Variants in PPARGC1A observed in about 807,000 individuals in gnomAD.
PPARGC1A encodes the protein PPARG coactivator 1 alpha, also known as peroxisome proliferator-activated receptor gamma coactivator 1-alpha.
A neutral mutation model predicts 88.7 loss-of-function variants in PPARGC1A; 25 were observed. That is an observed-to-expected ratio of 0.28 (90% CI 0.21 to 0.39). The LOEUF is 0.39. Ranked by LOEUF, PPARGC1A falls within the 10% of genes least tolerant of loss-of-function variation. PPARGC1A has a pLI of 1.00. For missense variants in PPARGC1A, 880 were observed against 968.7 expected, an observed-to-expected ratio of 0.91 and a Z score of 1.22; for synonymous variants, 363 against 355.6, an observed-to-expected ratio of 1.02 and a Z score of -0.24.
the PPARGC1A span, among the ~76,000 whole-genome samples, chr4:24,238,308 A>G: frequency 1.3e-5 from 2 of 152,228 alleles, no homozygotes; most frequent in Admixed American, 6.5e-5. Context: ...TTATTTTACA[A>G]TAAATAAAAT....
At chr4:23,921,314 G>T in the PPARGC1A span, among the ~76,000 whole-genome samples, 1,264 of 152,294 alleles carry the variant, frequency 8.3e-3, 19 homozygotes, top group Middle Eastern at 0.048. Context: ...GAGTATAAAA[G>T]AATTGAATTG....
At chr4:24,030,513 G>C in the PPARGC1A span, among the ~76,000 whole-genome samples, 1 of 152,134 alleles carries the variant, frequency 6.6e-6, no homozygotes, top group Non-Finnish European at 1.5e-5. Flanking sequence ...AATACCTTTT[G>C]AGCTGTATAC....
the PPARGC1A span, among the ~76,000 whole-genome samples, chr4:24,168,628 A>ACACACAC: frequency 6.7e-6 from 1 of 148,260 alleles, no homozygotes; most frequent in African/African-American, 2.6e-5. Context: ...CACACACACA[A>ACACACAC]ACACACAGAC....
the PPARGC1A span, among the ~76,000 whole-genome samples, chr4:24,010,743 C>A: frequency 6.6e-6 from 1 of 152,120 alleles, no homozygotes; most frequent in African/African-American, 2.4e-5. Flanking sequence ...TCATGGAGAA[C>A]AATAAGAACT....
the PPARGC1A span, among the ~76,000 whole-genome samples, chr4:23,920,015 A>T: frequency 6.6e-6 from 1 of 152,158 alleles, no homozygotes; most frequent in African/African-American, 2.4e-5. Context: ...AAAAGCAAAG[A>T]TCCAAAAGAT....
the PPARGC1A span, among the ~76,000 whole-genome samples, chr4:24,066,202 C>G: frequency 6.6e-6 from 1 of 152,016 alleles, no homozygotes; most frequent in Non-Finnish European, 1.5e-5. Context: ...TCGCTGTGCC[C>G]TGAGCTCAGG....
At chr4:24,065,328 A>G in the PPARGC1A span, among the ~76,000 whole-genome samples, 1 of 152,016 alleles carries the variant, frequency 6.6e-6, no homozygotes, top group Non-Finnish European at 1.5e-5. Flanking sequence ...CCACAGAACT[A>G]CATCCTGTCC....
chr4:24,036,117 T>A, the PPARGC1A span, among the ~76,000 whole-genome samples: 2 of 152,190 alleles, frequency 1.3e-5, no homozygotes, highest in African/African-American at 4.8e-5. Flanking sequence ...GAAATAGGGA[T>A]AGTAATATTG....
chr4:23,842,044 G>A (rs1395111071), intron 2 of PPARGC1A, among the ~76,000 whole-genome samples: 1 of 151,984 alleles, frequency 6.6e-6, no homozygotes, highest in Admixed American at 6.6e-5. Context: ...TTATATTTTG[G>A]GATTTTATGG....
chr4:24,016,958 G>A, the PPARGC1A span, among the ~76,000 whole-genome samples: 6 of 152,234 alleles, frequency 3.9e-5, no homozygotes, highest in Middle Eastern at 3.4e-3. Flanking sequence ...GAAGAAAGGG[G>A]GTTTCCAAGA....
the PPARGC1A span, among the ~76,000 whole-genome samples, chr4:24,394,481 C>A: frequency 1.3e-5 from 2 of 152,138 alleles, no homozygotes; most frequent in African/African-American, 4.8e-5. Context: ...GTAGACAGAT[C>A]TTTAAGAAGA....
At chr4:23,853,443 A>AG (rs1729665516) in intron 2 of PPARGC1A, among the ~76,000 whole-genome samples, 1 of 152,190 alleles carries the variant, frequency 6.6e-6, no homozygotes, top group African/African-American at 2.4e-5. Context: ...ACCTCAGATC[A>AG]ATGAGACACA....
chr4:24,098,793 C>A, the PPARGC1A span, among the ~76,000 whole-genome samples: 1 of 152,178 alleles, frequency 6.6e-6, no homozygotes, highest in African/African-American at 2.4e-5. Flanking sequence ...ATGACTTCAT[C>A]CACAGTGTCT....
the PPARGC1A span, among the ~76,000 whole-genome samples, chr4:23,983,193 A>T: frequency 1.3e-5 from 2 of 152,158 alleles, no homozygotes; most frequent in African/African-American, 2.4e-5. Context: ...CCTACTTCAG[A>T]TTATTATTGT....
At chr4:24,030,300 C>T in the PPARGC1A span, among the ~76,000 whole-genome samples, 1 of 152,136 alleles carries the variant, frequency 6.6e-6, no homozygotes, top group Non-Finnish European at 1.5e-5. Context: ...AACTCCATCC[C>T]CACTCCTATG....
At chr4:23,892,491 G>C (rs1717994377), upstream of PPARGC1A, among the ~76,000 whole-genome samples, 1 of 150,698 alleles carries the variant, frequency 6.6e-6, no homozygotes, top group African/African-American at 2.4e-5. Flanking sequence ...ATGTTTTAGA[G>C]GTTTTATAAT....
the PPARGC1A span, among the ~76,000 whole-genome samples, chr4:24,258,383 A>C: frequency 6.6e-6 from 1 of 152,226 alleles, no homozygotes; most frequent in Admixed American, 6.5e-5. Flanking sequence ...TGGGAGAACA[A>C]GAATTACCAT....
chr4:24,423,039 C>T, the PPARGC1A span, among the ~76,000 whole-genome samples: 2 of 152,126 alleles, frequency 1.3e-5, no homozygotes. Context: ...ATTTTCCCAA[C>T]CTTGGAAAAC....
chr4:23,807,755 A>ATG (rs34783122), intron 10 of PPARGC1A, among the ~76,000 whole-genome samples: 4,006 of 147,994 alleles, frequency 0.027, 190 homozygotes, highest in African/African-American at 0.097. Flanking sequence ...GTGTGTGTGT[A>ATG]TGTGTGTGTG....
Sources: allele counts gnomAD v4.1 joint callset (sites outside exome capture counted in the v4.1 genomes callset), GRCh38; gene constraint gnomAD v4.1.1; transcripts MANE v1.5; gene names NCBI Gene and HGNC (gene_info 2026-07-23, HGNC 2026-07-21).